Variants in SESN3 observed in about 807,000 individuals in gnomAD.
SESN3 encodes the protein sestrin-3.
SESN3 carries 21 observed loss-of-function variants against 55.3 expected under a neutral mutation model. The observed-to-expected ratio is 0.38, with a 90% CI of 0.27 to 0.55. SESN3 has a LOEUF of 0.55. SESN3 is among the 20% of genes least tolerant of loss of function. SESN3 has a pLI of 0.76. For synonymous variants in SESN3, 181 were observed against 203.1 expected, an observed-to-expected ratio of 0.89 and a Z score of 0.93; for missense variants, 408 against 604.3, an observed-to-expected ratio of 0.68 and a Z score of 3.41.
intron 6 of SESN3, among the ~76,000 whole-genome samples, chr11:95,180,270 A>C (rs1860035992): frequency 6.6e-6 from 1 of 152,212 alleles, no homozygotes; most frequent in South Asian, 2.1e-4. Flanking sequence ...CTTAAAAAAC[A>C]AGTGTAATTA....
At chr11:95,194,649 A>G (rs1312129318) in intron 1 of SESN3, among the ~76,000 whole-genome samples, 1 of 152,134 alleles carries the variant, frequency 6.6e-6, no homozygotes, top group Non-Finnish European at 1.5e-5. Flanking sequence ...CAAAGGCCTC[A>G]ATCTCCTGGT....
intron 1 of SESN3, among the ~76,000 whole-genome samples, chr11:95,217,863 C>T (rs1248753858): frequency 6.6e-6 from 1 of 152,142 alleles, no homozygotes; most frequent in Non-Finnish European, 1.5e-5. Context: ...ATTAAATGCT[C>T]AGTGTGCAAT....
At chr11:95,224,050 G>A (rs1478987147) in intron 1 of SESN3, among the ~76,000 whole-genome samples, 1 of 152,098 alleles carries the variant, frequency 6.6e-6, no homozygotes, top group Non-Finnish European at 1.5e-5. Flanking sequence ...TTTACATTTT[G>A]CAAATCTCTT....
At chr11:95,173,956 T>G (rs1431815973) in intron 9 of SESN3, among the ~76,000 whole-genome samples, 1 of 152,166 alleles carries the variant, frequency 6.6e-6, no homozygotes, top group Non-Finnish European at 1.5e-5. Flanking sequence ...TGTTTTAATA[T>G]TATATTCTTT....
rs1326581201 is a variant in SESN3, at chr11:95,167,367, T to C, written c.*5888A>G. On this transcript the variant is annotated 3_prime_UTR_variant, in exon 10 of 10. Transcript: ENST00000536441. ...TAATGTTTGATGTTGTCCTATGAAC[T>C]GTAAAATTGGGTATCTGTTCTAAAG... 1 of 152,152 alleles carries C rather than the reference T, an allele frequency of 6.6e-6. No homozygotes were observed. The highest frequency in any genetic ancestry group is 1.9e-4 in the East Asian group (1 of 5,200). The allele number at this position is 152,152 out of a possible 1,614,324, so 9.4% of individuals were successfully genotyped here. A position where few individuals can be genotyped will look rare whatever the true frequency, so the allele number is the denominator to read the frequency against.
Position 95,175,622 on chromosome 11 carries a change from C to G in SESN3, c.1268G>C (p.Gly423Ala). 4 of 1,612,074 alleles carry G rather than the reference C, an allele frequency of 2.5e-6. No individual in the cohort carries two copies. Among genetic ancestry groups the G allele is most frequent in the East Asian group, 2.2e-5 (1 of 44,844 alleles). Residue 423 changes from glycine to alanine, a missense_variant, in exon 9 of 10, where the codon GGA (glycine) becomes GCA (alanine). Gly to Ala is a moderately conservative substitution (Grantham distance 60, BLOSUM62 0). Transcript: ENST00000536441. Reference protein sequence around the residue: ...FGIRYDDYDYGEVNQLLERSL... With the variant: ...FGIRYDDYDYAEVNQLLERSL... ...TCTTTCAAGTAATTGATTAACTTCT[C>G]CATAATCATAGTCATCATACCTACG...
At chr11:95,218,340 C>A (rs1162128668) in intron 1 of SESN3, among the ~76,000 whole-genome samples, 1 of 152,216 alleles carries the variant, frequency 6.6e-6, no homozygotes, top group Non-Finnish European at 1.5e-5. Context: ...GAGACCCAGG[C>A]ATAAGTTGCA....
At chr11:95,217,146 G>A (rs996501247) in intron 1 of SESN3, among the ~76,000 whole-genome samples, 2 of 150,880 alleles carry the variant, frequency 1.3e-5, no homozygotes, top group African/African-American at 4.9e-5. Context: ...ACTACTATAT[G>A]CTTATACATC....
intron 9 of SESN3, among the ~76,000 whole-genome samples, chr11:95,175,203 A>T (rs11021064): frequency 0.27 from 41,537 of 151,996 alleles, 6,073 homozygotes; most frequent in Admixed American, 0.32. Context: ...ACCTCTACTA[A>T]AAATACAAAA....
chr11:95,173,580 G>A (rs78112190), intron 9 of SESN3, among the ~76,000 whole-genome samples: 8 of 152,040 alleles, frequency 5.3e-5, no homozygotes, highest in Non-Finnish European at 8.8e-5. Context: ...TGTTATTTTT[G>A]TAAAGTCAAT....
chr11:95,223,763 AG>A (rs144996325), intron 1 of SESN3, among the ~76,000 whole-genome samples: 6,648 of 152,246 alleles, frequency 0.044, 276 homozygotes, highest in East Asian at 0.21. Flanking sequence ...ACTCTGGCTC[AG>A]TAGTTCGTAA....
In SESN3 at chr11:95,230,873, C is replaced by G; in HGVS notation, c.-13G>C. The G allele has an allele frequency of 6.4e-7, 1 of 1,564,484 alleles. No homozygotes were observed. The highest frequency in any genetic ancestry group is 8.6e-7 in the Non-Finnish European group (1 of 1,162,372). ...CGCCCCGGTTCATCGTGGCTGCGGG[C>G]GCCGAGGCGAGAGCGGGCGGAGGGC... On this transcript the variant is annotated 5_prime_UTR_variant, in exon 1 of 10. Transcript: ENST00000536441. This position sits in a 1 kb window ranked among gnomAD's most constrained non-coding sequence, Gnocchi z 4.6.
chr11:95,223,003 A>G (rs1487636146), intron 1 of SESN3, among the ~76,000 whole-genome samples: 1 of 152,168 alleles, frequency 6.6e-6, no homozygotes, highest in Non-Finnish European at 1.5e-5. Flanking sequence ...AGTGATGTCT[A>G]AGGGACAAGT....
chr11:95,180,687 A>G (rs1029993793), intron 6 of SESN3, among the ~76,000 whole-genome samples: 7 of 152,136 alleles, frequency 4.6e-5, no homozygotes, highest in Non-Finnish European at 8.8e-5. Context: ...CAATGTGTAG[A>G]TGTTTAAGTA....
chr11:95,229,639 G>C (rs577953448), intron 1 of SESN3, among the ~76,000 whole-genome samples: 2 of 152,062 alleles, frequency 1.3e-5, no homozygotes, highest in Non-Finnish European at 2.9e-5. Flanking sequence ...GCAAATATTT[G>C]AGCTTGCTTA....
At chr11:95,231,466 C>T (rs763335956), upstream of SESN3, 3 of 251,492 alleles carry the variant, frequency 1.2e-5, no homozygotes, top group Non-Finnish European at 2.3e-5. Flanking sequence ...ACAGTTTGCT[C>T]TCCTCTGCCA....
At chr11:95,206,040 A>C (rs140849637) in intron 1 of SESN3, among the ~76,000 whole-genome samples, 1 of 152,086 alleles carries the variant, frequency 6.6e-6, no homozygotes, top group East Asian at 1.9e-4. Flanking sequence ...ACAGTTCCTA[A>C]ATTCTGTATA....
intron 1 of SESN3, among the ~76,000 whole-genome samples, chr11:95,225,845 C>T (rs1162147860): frequency 6.6e-6 from 1 of 152,096 alleles, no homozygotes; most frequent in Non-Finnish European, 1.5e-5. Context: ...TTACCACCCC[C>T]CCTTTTATTA....
At chr11:95,204,803 T>C (rs1348204582) in intron 1 of SESN3, 2 of 152,202 alleles carry the variant, frequency 1.3e-5, no homozygotes, top group African/African-American at 4.8e-5. Context: ...GTTTTTGTTA[T>C]AGCAGCCTGC....
Sources: gnomAD v4.1 joint callset for allele counts (sites outside exome capture counted in the v4.1 genomes callset) on GRCh38, gnomAD v4.1.1 for gene constraint, Gnocchi (gnomAD v3.1) non-coding constraint, MANE v1.5 for transcripts, NCBI Gene and HGNC (gene_info 2026-07-23, HGNC 2026-07-21) for gene names.